COPA: variants seen among roughly 807,000 people sequenced by gnomAD.
COPA encodes the protein coatomer subunit alpha.
Under a neutral mutation model 158.7 loss-of-function variants are expected in COPA, and 10 were observed. That is an observed-to-expected ratio of 0.06 (90% CI 0.04 to 0.11). The LOEUF (loss-of-function observed/expected upper bound fraction) is 0.11, where lower values mean the gene tolerates loss of function less well. Among genes scored for constraint, COPA ranks in the 10% least tolerant of loss-of-function variants. The pLI, the probability that COPA is intolerant of heterozygous loss-of-function variation, is 1.00. For synonymous variants in COPA, 462 were observed against 542.8 expected, an observed-to-expected ratio of 0.85 and a Z score of 2.07; for missense variants, 1,065 against 1,536.7, an observed-to-expected ratio of 0.69 and a Z score of 5.13.
At position 160,319,471 on chromosome 1, in the gene COPA, A is replaced by G. The variant is rs957176957; in HGVS notation, c.706+3960T>C. ...TAATACCCCACTCTCAAAAACAGAC[A>G]GATCATCCATACAGTAAATCAACAA... On this transcript the variant is annotated intron_variant, in intron 8 of 32. Transcript: ENST00000241704. Among the ~76,000 whole-genome samples, 4 of 150,648 alleles carry G rather than the reference A, an allele frequency of 2.7e-5. No individual in the cohort carries two copies. In the East Asian group the frequency reaches 7.8e-4, roughly 29 times the overall value.
intron 4 of COPA, among the ~76,000 whole-genome samples, chr1:160,334,124 G>C (rs1363220639): frequency 1.3e-5 from 2 of 152,130 alleles, no homozygotes; most frequent in Non-Finnish European, 2.9e-5. Context: ...AGCAAGCAAA[G>C]CAGAAAGTAA....
Position 160,293,066 on chromosome 1 carries a change from C to T in COPA, c.2823+100G>A, listed in dbSNP as rs1658291683. 6.0e-6 allele frequency: 7 copies of T among 1,170,924 alleles called. No homozygotes were observed. In the East Asian group the frequency reaches 7.0e-5, roughly 12 times the overall value. The allele number at this position is 1,170,924 out of a possible 1,614,324, so 72.5% of individuals were successfully genotyped here. On this transcript the variant is annotated intron_variant, in intron 27 of 32. Transcript: ENST00000241704. ...TTTTCATGAAAAATATACACCTTTCCCCTTATGGGTAGGATAATTTCCCTT... is the reference window on the plus strand; with the variant it reads ...TTTTCATGAAAAATATACACCTTTCTCCTTATGGGTAGGATAATTTCCCTT...
At chr1:160,339,786 T>C (rs1647950306) in intron 3 of COPA, 123 bp downstream of exon 3, 1 of 785,416 alleles carries the variant, frequency 1.3e-6, no homozygotes, top group South Asian at 1.8e-5. Flanking sequence ...GTTCTCCGGA[T>C]AATGTTGTCA....
intron 8 of COPA, among the ~76,000 whole-genome samples, chr1:160,321,259 G>T (rs998889438): frequency 6.6e-6 from 1 of 152,088 alleles, no homozygotes; most frequent in South Asian, 2.1e-4. Flanking sequence ...GGAAAAAATT[G>T]AAGGCCTTTT....
At chr1:160,340,130 G>C in intron 2 of COPA, 51 bp downstream of exon 2, 1 of 1,501,248 alleles carries the variant, frequency 6.7e-7, no homozygotes. Flanking sequence ...AAATACCCCA[G>C]GATATTATAA....
At chr1:160,297,229 T>TA (rs1236891606) in intron 21 of COPA, 114 bp downstream of exon 21, 130 of 946,150 alleles carry the variant, frequency 1.4e-4, no homozygotes, top group Middle Eastern at 2.2e-4. Context: ...TTGTCTCTCC[T>TA]AAAAAAATGC....
intron 17 of COPA, among the ~76,000 whole-genome samples, chr1:160,303,952 C>T (rs746428571): frequency 6.6e-6 from 1 of 152,098 alleles, no homozygotes; most frequent in East Asian, 1.9e-4. Flanking sequence ...GATACCATTA[C>T]GCATCCATCA....
intron 3 of COPA, among the ~76,000 whole-genome samples, chr1:160,336,690 G>A (rs1647777587): frequency 6.6e-6 from 1 of 152,038 alleles, no homozygotes; most frequent in South Asian, 2.1e-4. Context: ...TAAGAGACCA[G>A]ATGCATTTTT....
intron 8 of COPA, among the ~76,000 whole-genome samples, chr1:160,314,741 T>TC (rs1659079620): frequency 6.6e-6 from 1 of 152,194 alleles, no homozygotes; most frequent in Non-Finnish European, 1.5e-5. Flanking sequence ...TTTCTTTTTT[T>TC]CAGGGACCTG....
In COPA at chr1:160,288,950, A is replaced by G. The variant is rs1411120377; in HGVS notation, c.*1207T>C. 1.3e-5 allele frequency among the ~76,000 whole-genome samples: 2 copies of G among 152,046 alleles called. No individual in the cohort carries two copies. Among genetic ancestry groups the G allele is most frequent in the African/African-American group, 4.8e-5 (2 of 41,376 alleles). On this transcript the variant is annotated 3_prime_UTR_variant, in exon 33 of 33. Coordinates refer to ENST00000241704, the MANE Select transcript of COPA (RefSeq NM_004371.4). ...CAGTTTAGGTCCTCATATATACCCT[A>G]TGAAAAACATGTGCTTCTTTTTTTC...
chr1:160,323,987 A>C (rs899906974), intron 7 of COPA, among the ~76,000 whole-genome samples: 1 of 151,818 alleles, frequency 6.6e-6, no homozygotes, highest in Non-Finnish European at 1.5e-5. Context: ...CAGCCTCCCA[A>C]GTAGCTGGGA....
intron 15 of COPA, chr1:160,306,069 A>G (rs991862575): frequency 3.5e-6 from 2 of 567,712 alleles, no homozygotes; most frequent in Non-Finnish European, 6.2e-6. Flanking sequence ...TGTAGGAACT[A>G]TGTTATTAAT....
intron 31 of COPA, 60 bp downstream of exon 31, chr1:160,291,275 G>A: frequency 6.3e-7 from 1 of 1,582,098 alleles, no homozygotes; most frequent in Non-Finnish European, 8.6e-7. Flanking sequence ...ACCTTGGTCT[G>A]CTCCCTCCAT....
chr1:160,304,395 G>T (rs150325630), intron 17 of COPA, among the ~76,000 whole-genome samples: 2 of 151,902 alleles, frequency 1.3e-5, no homozygotes, highest in East Asian at 3.9e-4. Context: ...GCTGGGCGCG[G>T]TGGCTCACGC....
At position 160,293,457 on chromosome 1, in the gene COPA, A is replaced by C. The variant is rs139398871; in HGVS notation, c.2683T>G (p.Ser895Ala). The C allele has an allele frequency of 5.8e-5, 93 of 1,592,658 alleles. No homozygotes were observed. In the African/African-American group the frequency reaches 1.1e-3, roughly 18 times the overall value. Residue 895 changes from serine (S) to alanine (A), a missense_variant, in exon 26 of 33, where the codon TCC becomes GCC. Physicochemically the swap from Ser to Ala is moderately conservative, Grantham distance 99 (BLOSUM62 1). Coordinates refer to ENST00000241704, the MANE Select transcript of COPA (RefSeq NM_004371.4). ...DLELPPELDISPGAAGGAEDG... is the reference protein window; with the variant it reads ...DLELPPELDIAPGAAGGAEDG... ...TCAGCCCCACCAGCTGCCCCAGGGG[A>C]TATATCCTAGGGGAAAAACAAAAAT...
intron 1 of COPA, among the ~76,000 whole-genome samples, chr1:160,341,410 C>T (rs1379389090): frequency 1.3e-5 from 2 of 152,232 alleles, no homozygotes; most frequent in African/African-American, 4.8e-5. Flanking sequence ...TTATATTATT[C>T]TAACAGGCAT....
Position 160,299,183 on chromosome 1 carries a change from C to G in COPA, c.1749G>C (p.Arg583Ser). 1 of 1,614,132 alleles carries G rather than the reference C, an allele frequency of 6.2e-7. No homozygotes were observed. ...VKGNNVYCLD[R>S]ECRPRVLTID... ...TGGTGAGTACCCGGGGACGACACTC[C>G]CTGTCTAGGCAGTATACATTGTTGC... Residue 583 changes from arginine to serine, a missense_variant, in exon 18 of 33, where the codon AGG becomes AGC. Around this residue, in one of 2 missense-constraint regions of COPA, gnomAD observed 980 missense variants for 1,357.8 expected, o/e 0.72. Transcript: ENST00000241704.
intron 1 of COPA, among the ~76,000 whole-genome samples, chr1:160,341,264 T>G (rs1648033020): frequency 6.6e-6 from 1 of 152,238 alleles, no homozygotes. Context: ...GCTTTAGTAT[T>G]TTATGAAAGT....
At chr1:160,332,742 T>C (rs1378625495) in intron 5 of COPA, among the ~76,000 whole-genome samples, 185 bp from the exon 6 acceptor site, 1 of 152,226 alleles carries the variant, frequency 6.6e-6, no homozygotes, top group African/African-American at 2.4e-5. Context: ...ACAATAGTTC[T>C]CTTCTTGCCT....
Sources: gnomAD v4.1 joint callset for allele counts (sites outside exome capture counted in the v4.1 genomes callset) on GRCh38, gnomAD v4.1.1 for gene constraint, gnomAD v4.1.1 regional missense constraint, MANE v1.5 for transcripts, NCBI Gene and HGNC (gene_info 2026-07-23, HGNC 2026-07-21) for gene names.